SLIT1: variants seen among roughly 807,000 people sequenced by gnomAD.
SLIT1 encodes slit guidance ligand 1.
A neutral mutation model predicts 186.1 loss-of-function variants in SLIT1; 66 were observed. The ratio of observed to expected loss-of-function variants is 0.35; its 90% confidence interval spans 0.29 to 0.44. SLIT1 has a LOEUF of 0.44. Ranked by LOEUF, SLIT1 falls within the 20% of genes least tolerant of loss-of-function variation. SLIT1 has a pLI of 1.00. For synonymous variants in SLIT1, 761 were observed against 833.8 expected (o/e 0.91, Z 1.50); for missense variants, 1,638 against 2,037.4 (o/e 0.80, Z 3.77).
intron 4 of SLIT1, among the ~76,000 whole-genome samples, chr10:97,150,163 G>A (rs969941427): frequency 6.6e-6 from 1 of 152,166 alleles, no homozygotes; most frequent in Non-Finnish European, 1.5e-5. Flanking sequence ...AGGGGCGGCT[G>A]GGAGCCCCGT....
At position 97,000,823 on chromosome 10, in the gene SLIT1, G is replaced by A; in HGVS notation, c.*289C>T. 1 of 419,144 alleles carries A rather than the reference G, an allele frequency of 2.4e-6. No homozygotes were observed. Among genetic ancestry groups the A allele is most frequent in the Non-Finnish European group, 4.3e-6 (1 of 230,124 alleles). 26.0% of individuals were successfully genotyped at this position (419,144 alleles called of 1,614,324 possible). Reference sequence around the variant, plus strand: ...GTCATCGTTCTGCACTTCTTGGCCTGACCTCACGCACACATTCACTCAACA... The same window carrying A: ...GTCATCGTTCTGCACTTCTTGGCCTAACCTCACGCACACATTCACTCAACA... On this transcript the variant is annotated 3_prime_UTR_variant, in exon 37 of 37. Coordinates refer to ENST00000266058, the MANE Select transcript of SLIT1 (RefSeq NM_003061.3).
chr10:97,046,821 A>G (rs1170557100), intron 17 of SLIT1, 24 bp from the exon 18 acceptor site: 1 of 1,607,648 alleles, frequency 6.2e-7, no homozygotes, highest in Non-Finnish European at 8.5e-7. Flanking sequence ...CGGGGGGAGG[A>G]TTACATATGG....
rs190388548 is a variant in SLIT1 at position 97,105,604 on chromosome 10, C to T, written c.414-39518G>A. On this transcript the variant is annotated intron_variant, in intron 4 of 36. Coordinates refer to ENST00000266058, the MANE Select transcript of SLIT1 (RefSeq NM_003061.3). ...TGAACTCACACATGATTTTCTGAAG[C>T]GGGCAGAAGAGATGGCAGATCAAAC... 9.1e-4 allele frequency among the ~76,000 whole-genome samples: 138 copies of T among 152,288 alleles called. 1 individual carries two copies. Among genetic ancestry groups the T allele is most frequent in the Middle Eastern group, 3.4e-3 (1 of 294 alleles).
intron 4 of SLIT1, among the ~76,000 whole-genome samples, chr10:97,077,486 C>T (rs111292767): frequency 3.3e-5 from 5 of 152,286 alleles, no homozygotes; most frequent in African/African-American, 9.6e-5. Context: ...AGTCTCAGGG[C>T]GCAGTAGCTA....
rs1848301459 is a variant in SLIT1, at chr10:97,000,978, C to T, written c.*134G>A. 2 of 686,482 alleles carry T rather than the reference C, an allele frequency of 2.9e-6. No homozygotes were observed. The highest frequency in any genetic ancestry group is 4.9e-6 in the Non-Finnish European group (2 of 409,552). The allele number at this position is 686,482 out of a possible 1,614,324, so 42.5% of individuals were successfully genotyped here. A position where few individuals can be genotyped will look rare whatever the true frequency, so the allele number is the denominator to read the frequency against. On this transcript the variant is annotated 3_prime_UTR_variant, in exon 37 of 37. Transcript: ENST00000266058. ...TTAAAAGGCTGCTCTGGCACCACCCCACCCAGGAGGGCCCAGCTGCCCAGG... is the reference window on the plus strand; with the variant it reads ...TTAAAAGGCTGCTCTGGCACCACCCTACCCAGGAGGGCCCAGCTGCCCAGG...
chr10:97,128,527 C>T (rs990851373), intron 4 of SLIT1, among the ~76,000 whole-genome samples: 1 of 152,192 alleles, frequency 6.6e-6, no homozygotes, highest in African/African-American at 2.4e-5. Context: ...CCACCTCCCT[C>T]GGGCTCTGGG....
At chr10:97,163,295 C>T in intron 3 of SLIT1, 85 bp downstream of exon 3, 1 of 1,191,372 alleles carries the variant, frequency 8.4e-7, no homozygotes, top group South Asian at 1.2e-5. Flanking sequence ...CATGAGTGCC[C>T]CTCATCCCTG....
intron 3 of SLIT1, among the ~76,000 whole-genome samples, chr10:97,161,957 T>C (rs78731932): frequency 0.037 from 5,647 of 152,284 alleles, 134 homozygotes; most frequent in Non-Finnish European, 0.049. Flanking sequence ...AAGGATTAAA[T>C]GAGATAATAT....
At chr10:97,060,394 A>G (rs924366318) in intron 9 of SLIT1, among the ~76,000 whole-genome samples, 2 of 152,226 alleles carry the variant, frequency 1.3e-5, no homozygotes, top group African/African-American at 4.8e-5. Flanking sequence ...TGATGCTGAG[A>G]ACCTGATTCT....
chr10:97,032,609 T>A (rs1848601650), intron 23 of SLIT1, among the ~76,000 whole-genome samples: 1 of 151,914 alleles, frequency 6.6e-6, no homozygotes, highest in Non-Finnish European at 1.5e-5. Context: ...GGATTTTCAT[T>A]ATAGCTTTCA....
intron 36 of SLIT1, among the ~76,000 whole-genome samples, chr10:97,001,649 A>G (rs545422959): frequency 1.3e-5 from 2 of 152,242 alleles, no homozygotes; most frequent in South Asian, 4.1e-4. Context: ...CCCCGGGGGC[A>G]ATAACATTAT....
chr10:97,107,113 G>A (rs1383825533), intron 4 of SLIT1, among the ~76,000 whole-genome samples: 2 of 152,202 alleles, frequency 1.3e-5, no homozygotes, highest in African/African-American at 4.8e-5. Context: ...CAGGCCCAAA[G>A]CCAGAAAAGG....
intron 1 of SLIT1, among the ~76,000 whole-genome samples, chr10:97,175,142 T>C (rs1327590528): frequency 6.6e-6 from 1 of 152,214 alleles, no homozygotes; most frequent in Non-Finnish European, 1.5e-5. Flanking sequence ...GATCATACAG[T>C]GTTTGTCATC....
intron 4 of SLIT1, among the ~76,000 whole-genome samples, chr10:97,070,900 C>T (rs1385461362): frequency 1.3e-5 from 2 of 152,154 alleles, no homozygotes; most frequent in African/African-American, 4.8e-5. Flanking sequence ...CACACTGTCA[C>T]CTTGAACTCC....
intron 8 of SLIT1, among the ~76,000 whole-genome samples, chr10:97,061,628 T>C (rs1049890094): frequency 2.6e-5 from 4 of 152,260 alleles, no homozygotes; most frequent in African/African-American, 9.6e-5. Context: ...ATCAGTAGTT[T>C]GTTCTTTTTC....
intron 4 of SLIT1, among the ~76,000 whole-genome samples, chr10:97,136,279 C>T (rs552259027): frequency 2.6e-5 from 4 of 152,140 alleles, no homozygotes; most frequent in Non-Finnish European, 4.4e-5. Flanking sequence ...GGGGAATCTC[C>T]GTACCTTCCG....
chr10:97,045,325 T>G (rs190918299), intron 18 of SLIT1, among the ~76,000 whole-genome samples: 70 of 152,342 alleles, frequency 4.6e-4, no homozygotes, highest in Middle Eastern at 3.4e-3. Context: ...GGAAAAAAAT[T>G]TTAATATGTA....
intron 4 of SLIT1, among the ~76,000 whole-genome samples, chr10:97,087,042 G>C (rs549341439): frequency 1.7e-4 from 26 of 151,644 alleles, no homozygotes; most frequent in Admixed American, 1.7e-3. Flanking sequence ...TGTGGCTTCT[G>C]CCCAATTTTA....
intron 4 of SLIT1, among the ~76,000 whole-genome samples, chr10:97,146,341 C>T (rs1337259913): frequency 6.6e-6 from 1 of 152,148 alleles, no homozygotes; most frequent in African/African-American, 2.4e-5. Context: ...CCCATCCTAA[C>T]CAAAAATTGA....
Sources: gnomAD v4.1 joint callset for allele counts (sites outside exome capture counted in the v4.1 genomes callset) on GRCh38, gnomAD v4.1.1 for gene constraint, MANE v1.5 for transcripts, NCBI Gene and HGNC (gene_info 2026-07-23, HGNC 2026-07-21) for gene names.